OCRL: variants seen among roughly 807,000 people sequenced by gnomAD.
The protein encoded by OCRL is OCRL inositol polyphosphate-5-phosphatase.
Under a neutral mutation model 78.9 loss-of-function variants are expected in OCRL, and 8 were observed. The observed-to-expected ratio is 0.10, with a 90% CI of 0.06 to 0.18. The LOEUF (loss-of-function observed/expected upper bound fraction) is 0.18, where lower values mean the gene tolerates loss of function less well. Ranked by LOEUF, OCRL falls within the 10% of genes least tolerant of loss-of-function variation. The pLI is 1.00. For missense variants in OCRL, 454 were observed against 696.7 expected (o/e 0.65, Z 3.92); for synonymous variants, 240 against 235.4 (o/e 1.02, Z -0.18).
chrX:129,559,246 G>A (rs2025859196), intron 8 of OCRL, among the ~76,000 whole-genome samples: 1 of 111,235 alleles, frequency 9.0e-6, no homozygotes, highest in Admixed American at 9.6e-5. Context: ...TTGTCACCCA[G>A]GCTGGAGAGC....
intron 15 of OCRL, among the ~76,000 whole-genome samples, chrX:129,570,050 G>A (rs1296454761): frequency 9.1e-6 from 1 of 109,929 alleles, no homozygotes; most frequent in African/African-American, 3.3e-5. Context: ...TGCATTAATG[G>A]CCAGTTATTT....
chrX:129,576,642 T>C, intron 18 of OCRL, 90 bp downstream of exon 18: 1 of 690,240 alleles, frequency 1.4e-6, no homozygotes. Context: ...CTTTCTGTCT[T>C]CTTTTGGCCA....
intron 2 of OCRL, 133 bp downstream of exon 2, chrX:129,540,956 C>G (rs1277528144): frequency 1.8e-6 from 1 of 543,905 alleles, no homozygotes; most frequent in Non-Finnish European, 3.3e-6. Flanking sequence ...TGTGAAGTGC[C>G]AGTGCTCTCT....
At position 129,587,009 on chromosome X, in the gene OCRL, C is replaced by T; in HGVS notation, c.2147C>T (p.Ser716Phe). 2.5e-6 allele frequency: 3 copies of T among 1,190,873 alleles called. No individual in the cohort carries two copies. Among genetic ancestry groups the T allele is most frequent in the Non-Finnish European group, 3.4e-6 (3 of 876,442 alleles). Reference protein sequence around the residue: ...EEDSFLEKEKSLLQMVPLDEG... With the variant: ...EEDSFLEKEKFLLQMVPLDEG... ...TACTTTTCCATCTATTAGGAGAAAT[C>T]CCTTCTGCAAATGGTTCCTTTGGAT... Residue 716 changes from serine (S) to phenylalanine (F), a missense_variant, in exon 20 of 24, where the codon TCC (serine) becomes TTC (phenylalanine). By Grantham distance (155) the Ser-to-Phe change is radical (BLOSUM62 -2). This residue lies in a region of OCRL where 277 missense variants were observed against 517.1 expected (regional missense o/e 0.54). Transcript: ENST00000371113.
intron 2 of OCRL, among the ~76,000 whole-genome samples, chrX:129,542,524 T>C (rs1052109712): frequency 9.3e-6 from 1 of 107,435 alleles, no homozygotes; most frequent in South Asian, 3.8e-4. Context: ...TAACATTCAA[T>C]GGCTGCTTAT....
In OCRL at chrX:129,557,380, C is replaced by A. The variant is rs1936069809; in HGVS notation, c.294C>A (p.Ile98=). ...GGATCAGAGAGCGCCGCTTTGAAAT[C>A]CCTGATGAGGAACACTGTTTGAAGT... is the stretch of plus-strand genomic sequence containing the variant. ...GDWIRERRFE[I]PDEEHCLKFL... is the part of the protein sequence containing the mutation. The change falls in exon 5 of 24, where the codon ATC becomes ATA. Residue 98 remains isoleucine (I), a synonymous_variant. Coordinates refer to ENST00000371113, the MANE Select transcript of OCRL (RefSeq NM_000276.4). The A allele has an allele frequency of 8.3e-7, 1 of 1,211,503 alleles. No homozygotes were observed. Among genetic ancestry groups the A allele is most frequent in the Admixed American group, 2.2e-5 (1 of 45,981 alleles).
intron 4 of OCRL, among the ~76,000 whole-genome samples, chrX:129,552,958 G>A (rs975338709): frequency 8.9e-6 from 1 of 112,507 alleles, no homozygotes; most frequent in Non-Finnish European, 1.9e-5. Context: ...AGTTGCAGTA[G>A]TCACATATCA....
intron 4 of OCRL, 47 bp from the exon 5 acceptor site, chrX:129,557,278 A>G: frequency 4.7e-6 from 5 of 1,070,690 alleles, no homozygotes; most frequent in Non-Finnish European, 6.5e-6. Context: ...TCCCAGTAAA[A>G]CATTTTATCC....
At chrX:129,541,034 G>A (rs1370193123) in intron 2 of OCRL, among the ~76,000 whole-genome samples, 1 of 111,956 alleles carries the variant, frequency 8.9e-6, no homozygotes, top group Non-Finnish European at 1.9e-5. Flanking sequence ...TCAGTGGAAG[G>A]ACTGAATGGG....
At chrX:129,545,223 T>C (rs1935863263) in intron 3 of OCRL, among the ~76,000 whole-genome samples, 186 bp downstream of exon 3, 2 of 112,724 alleles carry the variant, frequency 1.8e-5, no homozygotes, top group Non-Finnish European at 3.8e-5. Context: ...TATCGAAATA[T>C]ATTTGTATAT....
At chrX:129,548,180 T>C (rs983599923) in intron 3 of OCRL, among the ~76,000 whole-genome samples, 7 of 112,092 alleles carry the variant, frequency 6.2e-5, no homozygotes, top group African/African-American at 2.3e-4. Context: ...CTTTGCCTTC[T>C]GTTATCTAAA....
intron 2 of OCRL, 61 bp downstream of exon 2, chrX:129,540,884 C>T: frequency 1.0e-6 from 1 of 970,223 alleles, no homozygotes; most frequent in Non-Finnish European, 1.5e-6. Flanking sequence ...CAACCCCAAA[C>T]CGCGACGGGT....
At chrX:129,565,979 C>T (rs955198084) in intron 13 of OCRL, 96 bp downstream of exon 13, 11 of 585,009 alleles carry the variant, frequency 1.9e-5, no homozygotes, top group South Asian at 1.0e-4. Context: ...GTGATGGAAA[C>T]GTCTTACTGT....
intron 2 of OCRL, among the ~76,000 whole-genome samples, chrX:129,541,542 A>G (rs1000730072): frequency 8.0e-5 from 9 of 112,307 alleles, no homozygotes; most frequent in African/African-American, 2.9e-4. Flanking sequence ...TTGATAAGCT[A>G]TCACCATAGC....
intron 18 of OCRL, among the ~76,000 whole-genome samples, chrX:129,577,183 T>C (rs1877031114): frequency 9.0e-6 from 1 of 111,685 alleles, no homozygotes; most frequent in Non-Finnish European, 1.9e-5. Context: ...AATCTCAGGA[T>C]ATGGAGCCTA....
rs1025431211 is a variant in OCRL, at chrX:129,592,370, A to G, written c.*2100A>G. The G allele has an allele frequency of 8.9e-6, 1 of 112,311 alleles. No individual in the cohort carries two copies. The highest frequency in any genetic ancestry group is 1.9e-5 in the Non-Finnish European group (1 of 53,192). 9.3% of individuals were successfully genotyped at this position (112,311 alleles called of 1,213,427 possible). A position where few individuals can be genotyped will look rare whatever the true frequency, so the allele number is the denominator to read the frequency against. On this transcript the variant is annotated 3_prime_UTR_variant, in exon 24 of 24. Transcript: ENST00000371113. Reference sequence around the variant, plus strand: ...CTGTCTTAGGGAAGAAATGGTTCAAATCCATGTGGTGACATTGCATTAGTC... The same window carrying G: ...CTGTCTTAGGGAAGAAATGGTTCAAGTCCATGTGGTGACATTGCATTAGTC...
chrX:129,555,000 T>TAAATAAAAAAAA (rs745690077), intron 4 of OCRL, among the ~76,000 whole-genome samples: 5 of 95,567 alleles, frequency 5.2e-5, no homozygotes, highest in African/African-American at 2.1e-4. Context: ...AATAAATAAA[T>TAAATAAAAAAAA]AAAAATAAGA....
chrX:129,564,736 G>A (rs993972768), intron 12 of OCRL, among the ~76,000 whole-genome samples: 4 of 109,838 alleles, frequency 3.6e-5, no homozygotes, highest in Non-Finnish European at 7.6e-5. Context: ...TGGGGGGAGC[G>A]GGGAGGGATA....
chrX:129,569,179 A>G lies in OCRL; in HGVS notation c.1467-85A>G, dbSNP rs916127770. On this transcript the variant is annotated intron_variant, in intron 14 of 23. Coordinates refer to ENST00000371113, the MANE Select transcript of OCRL (RefSeq NM_000276.4). The stretch of plus-strand genomic sequence containing the variant: ...GTTCTTTGGGAGCATGTAACAAGAG[A>G]GCCTAACCCTGATCTAAACCAGTGT... 3.8e-6 allele frequency: 4 copies of G among 1,049,397 alleles called. No individual in the cohort carries two copies. The African/African-American group carries it at 7.4e-5, about 19-fold the overall frequency. 86.5% of individuals were successfully genotyped at this position (1,049,397 alleles called of 1,213,427 possible). A position where few individuals can be genotyped will look rare whatever the true frequency, so the allele number is the denominator to read the frequency against.
Sources: gnomAD v4.1 joint callset for allele counts (sites outside exome capture counted in the v4.1 genomes callset) on GRCh38, gnomAD v4.1.1 for gene constraint, gnomAD v4.1.1 regional missense constraint, MANE v1.5 for transcripts, NCBI Gene and HGNC (gene_info 2026-07-23, HGNC 2026-07-21) for gene names.